The following ANP32A variants were observed in gnomAD, a reference collection of about 807,000 sequenced individuals.
The protein encoded by ANP32A is acidic nuclear phosphoprotein 32 family member A, also known as acidic leucine-rich nuclear phosphoprotein 32 family member A.
ANP32A carries 1 observed loss-of-function variant against 33.9 expected under a neutral mutation model. The observed-to-expected ratio is 0.03, with a 90% confidence interval of 0.01 to 0.14. The LOEUF (loss-of-function observed/expected upper bound fraction) is 0.14, where lower values mean the gene tolerates loss of function less well. Ranked by LOEUF, ANP32A falls within the 10% of genes least tolerant of loss-of-function variation. ANP32A has a pLI of 1.00. For missense variants in ANP32A, 155 were observed against 306.0 expected (o/e 0.51, Z 3.68); for synonymous variants, 115 against 120.5 (o/e 0.95, Z 0.30).
intron 1 of ANP32A, among the ~76,000 whole-genome samples, chr15:68,810,099 A>G (rs1224513564): frequency 6.6e-6 from 1 of 152,226 alleles, no homozygotes; most frequent in Admixed American, 6.5e-5. Flanking sequence ...TCAGTGTGGC[A>G]CAGGTTTGCA....
intron 1 of ANP32A, among the ~76,000 whole-genome samples, chr15:68,815,319 A>C (rs1360026970): frequency 6.6e-6 from 1 of 152,232 alleles, no homozygotes; most frequent in Non-Finnish European, 1.5e-5. Flanking sequence ...AAAATTAAGA[A>C]CACTACATAG....
intron 5 of ANP32A, chr15:68,782,733 A>G: frequency 1.3e-6 from 1 of 770,082 alleles, no homozygotes; most frequent in South Asian, 2.0e-5. Flanking sequence ...TGCCTCTAAA[A>G]TCCTCTTCCC....
chr15:68,808,862 A>G (rs924640876), intron 1 of ANP32A, among the ~76,000 whole-genome samples: 3 of 152,202 alleles, frequency 2.0e-5, no homozygotes, highest in African/African-American at 7.2e-5. Flanking sequence ...GAGTTCCAGC[A>G]CAACTTTGCT....
chr15:68,784,680 A>C, intron 3 of ANP32A, 85 bp from the exon 4 acceptor site: 2 of 1,437,962 alleles, frequency 1.4e-6, no homozygotes, highest in Non-Finnish European at 1.9e-6. Flanking sequence ...CAAGGATGCC[A>C]TGAGATAGCA....
intron 1 of ANP32A, among the ~76,000 whole-genome samples, chr15:68,792,474 A>C (rs545693708): frequency 6.6e-6 from 1 of 152,248 alleles, no homozygotes; most frequent in East Asian, 1.9e-4. Context: ...TTCCTGAAAA[A>C]CTTGTCCCCA....
chr15:68,789,363 G>C (rs1039348245), intron 1 of ANP32A: 6 of 152,466 alleles, frequency 3.9e-5, no homozygotes, highest in African/African-American at 1.4e-4. Flanking sequence ...ATTGTTCAAA[G>C]GGTTGCTCCT....
chr15:68,800,075 GT>G (rs34514357), intron 1 of ANP32A, among the ~76,000 whole-genome samples: 138,708 of 152,142 alleles, frequency 0.91, 63,500 homozygotes, highest in Middle Eastern at 0.97. Context: ...TCACAAGGCT[GT>G]TAAGTGACCG....
At chr15:68,818,171 G>GAGCCCGC (rs915237253) in intron 1 of ANP32A, 7 of 167,868 alleles carry the variant, frequency 4.2e-5, no homozygotes, top group South Asian at 1.1e-4. Flanking sequence ...ATGGAGCCCG[G>GAGCCCGC]AGCCCGCATT....
Position 68,820,886 on chromosome 15 carries a change from G to A in ANP32A, c.-135C>T, listed in dbSNP as rs1422554804. 5 of 1,061,256 alleles carry A rather than the reference G, an allele frequency of 4.7e-6. No homozygotes were observed. Among genetic ancestry groups the A allele is most frequent in the Non-Finnish European group, 7.0e-6 (5 of 716,486 alleles). 65.7% of individuals were successfully genotyped at this position (1,061,256 alleles called of 1,614,324 possible). ...CGGTTCTCGAGCCCCCAGCACCCGC[G>A]GCGCACACTAACCTGATCGCCGTGG... On this transcript the variant is annotated 5_prime_UTR_variant, in exon 1 of 7. Coordinates refer to ENST00000465139, the MANE Select transcript of ANP32A (RefSeq NM_006305.4).
intron 1 of ANP32A, among the ~76,000 whole-genome samples, chr15:68,799,827 G>A (rs1894107461): frequency 1.3e-5 from 2 of 152,346 alleles, no homozygotes; most frequent in South Asian, 2.1e-4. Context: ...AACTAGTGAT[G>A]TTTAGGCTTG....
chr15:68,810,553 CAG>C (rs561474575), intron 1 of ANP32A, among the ~76,000 whole-genome samples: 113 of 152,290 alleles, frequency 7.4e-4, no homozygotes, highest in African/African-American at 2.6e-3. Context: ...CTTCAAACCT[CAG>C]AGAGCAGCAC....
Position 68,780,499 on chromosome 15 carries a change from C to A in ANP32A, c.625-26G>T. 6.2e-7 allele frequency: 1 copy of A among 1,613,744 alleles called. No individual in the cohort carries two copies. Among genetic ancestry groups the A allele is most frequent in the Non-Finnish European group, 8.5e-7 (1 of 1,179,744 alleles). ...CTAGGAGAAAGGACAGACACCAGAA[C>A]ATTAGAAATGCCCTGCCTTGGGACA... On this transcript the variant is annotated intron_variant, in intron 5 of 6. Transcript: ENST00000465139. This position sits in a 1 kb window ranked among gnomAD's most constrained non-coding sequence, Gnocchi z 4.3.
chr15:68,788,075 C>T (rs1164815570), intron 1 of ANP32A, among the ~76,000 whole-genome samples, 156 bp from the exon 2 acceptor site: 1 of 152,168 alleles, frequency 6.6e-6, no homozygotes, highest in Non-Finnish European at 1.5e-5. Flanking sequence ...GTGCTGCCAA[C>T]GACCACAGGA....
chr15:68,794,426 T>G (rs1894037158), intron 1 of ANP32A, among the ~76,000 whole-genome samples: 1 of 152,244 alleles, frequency 6.6e-6, no homozygotes, highest in Admixed American at 6.5e-5. Flanking sequence ...GGAGCAAGAA[T>G]TCAATACATA....
rs145166971 is a variant in ANP32A, at chr15:68,797,382, A to G, written c.55-9463T>C. 4.4e-3 allele frequency among the ~76,000 whole-genome samples: 667 copies of G among 152,306 alleles called. 3 individuals are homozygous for G. The highest frequency in any genetic ancestry group is 8.0e-3 in the Non-Finnish European group (542 of 68,024). ...CCGTTCTTGGTGATCTTATTACAGA[A>G]CCACAGCACTGCACCCATGCAACAG... On this transcript the variant is annotated intron_variant, in intron 1 of 6. Coordinates refer to ENST00000465139, the MANE Select transcript of ANP32A (RefSeq NM_006305.4).
At chr15:68,792,730 C>T (rs1894013478) in intron 1 of ANP32A, among the ~76,000 whole-genome samples, 1 of 152,118 alleles carries the variant, frequency 6.6e-6, no homozygotes, top group Non-Finnish European at 1.5e-5. Context: ...TGGAAGTGGT[C>T]AAGAGGCAGC....
At chr15:68,800,470 C>T (rs1435190632) in intron 1 of ANP32A, among the ~76,000 whole-genome samples, 1 of 150,940 alleles carries the variant, frequency 6.6e-6, no homozygotes, top group African/African-American at 2.4e-5. Flanking sequence ...AGGCACCGGG[C>T]GCGGTGGCTC....
chr15:68,794,632 A>G (rs1381068586), intron 1 of ANP32A, among the ~76,000 whole-genome samples: 1 of 152,186 alleles, frequency 6.6e-6, no homozygotes, highest in Non-Finnish European at 1.5e-5. Context: ...ACTGTCTGAG[A>G]CACCAAGGTT....
At chr15:68,791,462 C>G (rs1893997136) in intron 1 of ANP32A, 1 of 152,726 alleles carries the variant, frequency 6.5e-6, no homozygotes, top group Non-Finnish European at 1.5e-5. Context: ...CCTCTTCTAA[C>G]TGTTCCACCA....
Sources: gnomAD v4.1 joint callset for allele counts (sites outside exome capture counted in the v4.1 genomes callset) on GRCh38, gnomAD v4.1.1 for gene constraint, Gnocchi (gnomAD v3.1) non-coding constraint, MANE v1.5 for transcripts, NCBI Gene and HGNC (gene_info 2026-07-23, HGNC 2026-07-21) for gene names.